The following EPHA5 variants were observed in gnomAD, a reference collection of about 807,000 sequenced individuals.
The protein encoded by EPHA5 is ephrin type-A receptor 5.
A neutral mutation model predicts 105.0 loss-of-function variants in EPHA5; 60 were observed. That is an observed-to-expected ratio of 0.57 (90% CI 0.46 to 0.71). EPHA5 has a LOEUF of 0.71. Among genes scored for constraint, EPHA5 ranks in the 30% least tolerant of loss-of-function variants. EPHA5 has a pLI of 0.00. For synonymous variants in EPHA5, 513 were observed against 449.1 expected, an observed-to-expected ratio of 1.14 and a Z score of -1.80; for missense variants, 1,218 against 1,274.7, an observed-to-expected ratio of 0.96 and a Z score of 0.68.
intron 3 of EPHA5, among the ~76,000 whole-genome samples, chr4:65,571,121 T>C (rs1354266942): frequency 6.6e-6 from 1 of 151,892 alleles, no homozygotes; most frequent in Non-Finnish European, 1.5e-5. Flanking sequence ...ATAAAAGTTA[T>C]TTTCAAAACA....
chr4:65,367,465 G>C (rs1162159448), intron 8 of EPHA5, 41 bp from the exon 9 acceptor site: 2 of 1,582,030 alleles, frequency 1.3e-6, no homozygotes, highest in African/African-American at 2.7e-5. Context: ...TCTGAAAGTG[G>C]TGAATCAGTC....
At chr4:65,406,569 C>T (rs907388222) in intron 7 of EPHA5, among the ~76,000 whole-genome samples, 1 of 152,038 alleles carries the variant, frequency 6.6e-6, no homozygotes, top group African/African-American at 2.4e-5. Context: ...ACCCTTCTCA[C>T]TTCTCTCCAT....
chr4:65,534,185 A>G (rs938073976), intron 3 of EPHA5, among the ~76,000 whole-genome samples: 4 of 152,174 alleles, frequency 2.6e-5, no homozygotes, highest in Non-Finnish European at 5.9e-5. Flanking sequence ...GTAACATTCT[A>G]TGAAAGTAAT....
intron 5 of EPHA5, among the ~76,000 whole-genome samples, chr4:65,442,734 C>G (rs1186899663): frequency 6.6e-6 from 1 of 152,140 alleles, no homozygotes; most frequent in Non-Finnish European, 1.5e-5. Flanking sequence ...ATATGCCCAC[C>G]ACAACCATAT....
At chr4:65,442,342 T>C (rs920580926) in intron 5 of EPHA5, among the ~76,000 whole-genome samples, 2 of 152,142 alleles carry the variant, frequency 1.3e-5, no homozygotes, top group Admixed American at 6.6e-5. Context: ...TGTGAAATTA[T>C]AGCAGAAGGC....
rs866080112 is a variant in EPHA5 at position 65,507,041 on chromosome 4, T to G, written c.911-11498A>C. On this transcript the variant is annotated intron_variant, in intron 3 of 16. Coordinates refer to ENST00000613740, the MANE Select transcript of EPHA5 (RefSeq NM_001281766.3). ...TTTAATCCATCTTGAATTAATTTTT[T>G]TATAAGGTGTAAGGAAGGGATCCAG... Among the ~76,000 whole-genome samples the G allele has an allele frequency of 4.0e-3, 605 of 152,038 alleles. 5 individuals carry two copies. Among genetic ancestry groups the G allele is most frequent in the African/African-American group, 0.014 (575 of 41,384 alleles).
chr4:65,612,977 C>A (rs989110621), intron 2 of EPHA5, among the ~76,000 whole-genome samples: 8 of 152,000 alleles, frequency 5.3e-5, no homozygotes, highest in Non-Finnish European at 7.4e-5. Context: ...AAGAGCTTTC[C>A]ATGGTTTTGC....
intron 3 of EPHA5, among the ~76,000 whole-genome samples, chr4:65,522,335 A>ACATATATATATATATATATATAT (rs1734834412): frequency 7.9e-6 from 1 of 126,378 alleles, no homozygotes; most frequent in African/African-American, 4.4e-5. Context: ...TATATATATA[A>ACATATATATATATATATATATAT]AATCAACAGT....
At chr4:65,641,923 G>GC (rs1747704872) in intron 2 of EPHA5, among the ~76,000 whole-genome samples, 2 of 151,986 alleles carry the variant, frequency 1.3e-5, no homozygotes, top group African/African-American at 4.8e-5. Flanking sequence ...TTTTTATAAA[G>GC]CAATTAATTG....
chr4:65,540,008 A>T (rs1299489292), intron 3 of EPHA5, among the ~76,000 whole-genome samples: 1 of 151,534 alleles, frequency 6.6e-6, no homozygotes, highest in African/African-American at 2.4e-5. Flanking sequence ...TACAAAAAAT[A>T]GGCAGTTATG....
At chr4:65,633,971 A>G (rs1362595375) in intron 2 of EPHA5, among the ~76,000 whole-genome samples, 1 of 152,112 alleles carries the variant, frequency 6.6e-6, no homozygotes, top group Admixed American at 6.6e-5. Flanking sequence ...GAGCAAAAAC[A>G]TTAGATAGAG....
chr4:65,513,529 G>C (rs1733825604), intron 3 of EPHA5, among the ~76,000 whole-genome samples: 1 of 152,042 alleles, frequency 6.6e-6, no homozygotes, highest in Admixed American at 6.6e-5. Flanking sequence ...TGAGATTATA[G>C]TCACGTGCCA....
rs369606981 is a variant in EPHA5, at chr4:65,601,716, C to G, written c.835G>C (p.Glu279Gln). Residue 279 changes from glutamate to glutamine, a missense_variant, in exon 3 of 17, where the codon GAA becomes CAA. Around this residue, in one of 3 missense-constraint regions of EPHA5, gnomAD observed 971 missense variants for 1,013.5 expected, o/e 0.96. Transcript: ENST00000613740. Reference sequence around the variant, plus strand: ...CCGATGGGCACCAGCCACTCCCCTTCGGCGCTGCAGTGCATTTTGGGAGGT... The same window carrying G: ...CCGATGGGCACCAGCCACTCCCCTTGGGCGCTGCAGTGCATTTTGGGAGGT... ...DEPPKMHCSA[E>Q]GEWLVPIGKC... 6.2e-7 allele frequency: 1 copy of G among 1,614,124 alleles called. No homozygotes were observed. Among genetic ancestry groups the G allele is most frequent in the Non-Finnish European group, 8.5e-7 (1 of 1,180,010 alleles).
intron 3 of EPHA5, among the ~76,000 whole-genome samples, chr4:65,568,770 T>C (rs1187875227): frequency 6.6e-6 from 1 of 151,030 alleles, no homozygotes; most frequent in Non-Finnish European, 1.5e-5. Flanking sequence ...ACAGAAACAG[T>C]TTCTTACAAA....
At chr4:65,512,445 G>T in intron 3 of EPHA5, among the ~76,000 whole-genome samples, 1 of 152,092 alleles carries the variant, frequency 6.6e-6, no homozygotes, top group Non-Finnish European at 1.5e-5. Flanking sequence ...GGAGGCGATT[G>T]GATGATGGGG....
chr4:65,386,398 G>A (rs1720091230), intron 8 of EPHA5, among the ~76,000 whole-genome samples: 1 of 151,950 alleles, frequency 6.6e-6, no homozygotes. Flanking sequence ...AATGCTAATT[G>A]TACAGTAGTT....
In EPHA5 at chr4:65,499,614, G is replaced by C. The variant is rs1732282415; in HGVS notation, c.911-4071C>G. 2.0e-5 allele frequency among the ~76,000 whole-genome samples: 3 copies of C among 151,276 alleles called. No individual in the cohort carries two copies. In the South Asian group the frequency reaches 6.2e-4, roughly 31 times the overall value. ...CAATATTTGACATGCCCTCTTTTAGGAAACTCCAGATATTTTCATTACAAA... is the reference window on the plus strand; with the variant it reads ...CAATATTTGACATGCCCTCTTTTAGCAAACTCCAGATATTTTCATTACAAA... On this transcript the variant is annotated intron_variant, in intron 3 of 16. Coordinates refer to ENST00000613740, the MANE Select transcript of EPHA5 (RefSeq NM_001281766.3).
intron 5 of EPHA5, among the ~76,000 whole-genome samples, chr4:65,429,027 G>A (rs1724725410): frequency 1.3e-5 from 2 of 151,902 alleles, no homozygotes; most frequent in African/African-American, 4.8e-5. Flanking sequence ...CATTGAATGT[G>A]TTTTCCATTC....
chr4:65,596,197 A>G (rs1008094089), intron 3 of EPHA5, among the ~76,000 whole-genome samples: 1 of 152,180 alleles, frequency 6.6e-6, no homozygotes. Flanking sequence ...TGTTAGCGGC[A>G]TGTGTGTTCA....
Sources: allele counts gnomAD v4.1 joint callset (sites outside exome capture counted in the v4.1 genomes callset), GRCh38; gene constraint gnomAD v4.1.1; regional missense constraint gnomAD v4.1.1; transcripts MANE v1.5; gene names NCBI Gene and HGNC (gene_info 2026-07-23, HGNC 2026-07-21).